The following KCNH7 variants were observed in gnomAD, a reference collection of about 807,000 sequenced individuals.
The protein encoded by KCNH7 is voltage-gated inwardly rectifying potassium channel KCNH7.
KCNH7 carries 49 observed loss-of-function variants against 120.8 expected under a neutral mutation model. That is an observed-to-expected ratio of 0.41 (90% CI 0.32 to 0.51). KCNH7 has a LOEUF of 0.51. Among genes scored for constraint, KCNH7 ranks in the 20% least tolerant of loss-of-function variants. The pLI is 0.38. For missense variants in KCNH7, 1,097 were observed against 1,446.6 expected (o/e 0.76, Z 3.92); for synonymous variants, 547 against 516.1 (o/e 1.06, Z -0.81).
chr2:162,823,238 GAA>G (rs11400511), intron 2 of KCNH7, among the ~76,000 whole-genome samples: 1 of 150,286 alleles, frequency 6.7e-6, no homozygotes, highest in Non-Finnish European at 1.5e-5. Context: ...GCTAAAAATT[GAA>G]AAAAAAAGAT....
chr2:162,630,805 C>G (rs930616901), intron 2 of KCNH7, among the ~76,000 whole-genome samples: 11 of 152,024 alleles, frequency 7.2e-5, no homozygotes, highest in African/African-American at 2.7e-4. Flanking sequence ...AATAAGGTCT[C>G]CCATTAAGGA....
At chr2:162,501,150 T>C (rs779084149) in intron 6 of KCNH7, among the ~76,000 whole-genome samples, 4 of 152,034 alleles carry the variant, frequency 2.6e-5, no homozygotes, top group Non-Finnish European at 4.4e-5. Context: ...ACAAAGAAGA[T>C]AAAGCATTCC....
chr2:162,542,542 T>C (rs1258800217), intron 2 of KCNH7, among the ~76,000 whole-genome samples: 2 of 151,748 alleles, frequency 1.3e-5, no homozygotes, highest in African/African-American at 4.8e-5. Flanking sequence ...AGAATGATGA[T>C]TTCCAATTTC....
chr2:162,586,745 T>C (rs1267101399), intron 2 of KCNH7, among the ~76,000 whole-genome samples: 1 of 151,860 alleles, frequency 6.6e-6, no homozygotes, highest in African/African-American at 2.4e-5. Context: ...GTAAGTTTAT[T>C]ATAAAATTAG....
intron 2 of KCNH7, among the ~76,000 whole-genome samples, chr2:162,640,027 G>A (rs983275175): frequency 6.6e-6 from 1 of 152,160 alleles, no homozygotes; most frequent in South Asian, 2.1e-4. Flanking sequence ...GAAACTACAC[G>A]ATGCTGATTT....
intron 6 of KCNH7, among the ~76,000 whole-genome samples, chr2:162,501,368 G>C (rs1690679847): frequency 6.6e-6 from 1 of 152,012 alleles, no homozygotes; most frequent in Admixed American, 6.6e-5. Context: ...GCTTTTGCCT[G>C]TATCATACCT....
chr2:162,585,083 C>T (rs1452630624), intron 2 of KCNH7, among the ~76,000 whole-genome samples: 1 of 151,888 alleles, frequency 6.6e-6, no homozygotes, highest in African/African-American at 2.4e-5. Context: ...GCTCCTGCAG[C>T]CGGCCTGGGT....
chr2:162,414,553 G>A (rs576557545), intron 9 of KCNH7, among the ~76,000 whole-genome samples: 2 of 151,720 alleles, frequency 1.3e-5, no homozygotes, highest in East Asian at 3.9e-4. Context: ...AGATATTAAG[G>A]GAGAAACATG....
chr2:162,753,280 G>T (rs1226271676), intron 2 of KCNH7, among the ~76,000 whole-genome samples: 6 of 151,752 alleles, frequency 4.0e-5, no homozygotes, highest in Non-Finnish European at 8.8e-5. Context: ...GTTTAATTTG[G>T]CCTAGTTTGA....
intron 12 of KCNH7, among the ~76,000 whole-genome samples, chr2:162,390,158 G>A (rs1052750749): frequency 5.3e-5 from 8 of 151,790 alleles, no homozygotes; most frequent in African/African-American, 1.2e-4. Flanking sequence ...AACAGAAAGC[G>A]TTGAGCAGAA....
chr2:162,526,218 G>C (rs1024250385), intron 3 of KCNH7, among the ~76,000 whole-genome samples: 2 of 151,916 alleles, frequency 1.3e-5, no homozygotes, highest in African/African-American at 4.8e-5. Context: ...GAGATCACAT[G>C]CTTCACAAGG....
intron 2 of KCNH7, among the ~76,000 whole-genome samples, chr2:162,715,946 T>TTG (rs55649777): frequency 0.17 from 24,718 of 146,318 alleles, 2,703 homozygotes; most frequent in East Asian, 0.42. Context: ...GAGCATGTCT[T>TTG]TGTGTGTGTG....
At chr2:162,503,768 T>C (rs1409057545) in intron 6 of KCNH7, among the ~76,000 whole-genome samples, 1 of 152,052 alleles carries the variant, frequency 6.6e-6, no homozygotes, top group Admixed American at 6.6e-5. Flanking sequence ...AATTTTAAAG[T>C]CATGAATTCC....
At chr2:162,389,068 A>G (rs751771402) in intron 12 of KCNH7, among the ~76,000 whole-genome samples, 1 of 151,818 alleles carries the variant, frequency 6.6e-6, no homozygotes, top group African/African-American at 2.4e-5. Context: ...CTTGATTTCC[A>G]TCTCTTCGGT....
chr2:162,380,252 G>A (rs1686369553), intron 13 of KCNH7, among the ~76,000 whole-genome samples: 1 of 152,132 alleles, frequency 6.6e-6, no homozygotes, highest in African/African-American at 2.4e-5. Flanking sequence ...AAAACATGTA[G>A]CAGGTCCTGA....
intron 2 of KCNH7, among the ~76,000 whole-genome samples, chr2:162,551,734 C>G (rs948406063): frequency 6.6e-6 from 1 of 152,080 alleles, no homozygotes; most frequent in Non-Finnish European, 1.5e-5. Flanking sequence ...ATAATCAATA[C>G]TTAAAGTACT....
intron 2 of KCNH7, among the ~76,000 whole-genome samples, chr2:162,695,894 C>A (rs985183521): frequency 9.9e-5 from 15 of 152,108 alleles, no homozygotes; most frequent in Admixed American, 7.2e-4. Context: ...AAGCAAACCA[C>A]CTTATATTTT....
chr2:162,502,545 T>G (rs1690720034), intron 6 of KCNH7, among the ~76,000 whole-genome samples: 1 of 152,072 alleles, frequency 6.6e-6, no homozygotes, highest in Admixed American at 6.6e-5. Context: ...CGTTTGACTC[T>G]GATTTATGCT....
chr2:162,480,179 C>A (rs923874186), intron 6 of KCNH7, among the ~76,000 whole-genome samples: 1 of 151,900 alleles, frequency 6.6e-6, no homozygotes, highest in African/African-American at 2.4e-5. Flanking sequence ...TGAAATACTG[C>A]AATTTTAAAT....
Sources: allele counts gnomAD v4.1 joint callset (sites outside exome capture counted in the v4.1 genomes callset), GRCh38; gene constraint gnomAD v4.1.1; transcripts MANE v1.5; gene names NCBI Gene and HGNC (gene_info 2026-07-23, HGNC 2026-07-21).